Variants in HEATR5A observed in about 807,000 individuals in gnomAD.
HEATR5A encodes HEAT repeat containing 5A.
A neutral mutation model predicts 218.8 loss-of-function variants in HEATR5A; 178 were observed. The ratio of observed to expected loss-of-function variants is 0.81; its 90% CI spans 0.72 to 0.92. The LOEUF (loss-of-function observed/expected upper bound fraction) is 0.92, where lower values mean the gene tolerates loss of function less well. Among genes scored for constraint, HEATR5A ranks in the 40% least tolerant of loss-of-function variants. The probability of loss-of-function intolerance (pLI) is 0.00; values close to 1 mark genes in which losing one functional copy is unlikely to be tolerated. For missense variants in HEATR5A, 2,420 were observed against 2,418.9 expected (o/e 1.00, Z -0.01); for synonymous variants, 864 against 871.6 (o/e 0.99, Z 0.15).
chr14:31,317,964 G>A (rs1899965122), intron 26 of HEATR5A, among the ~76,000 whole-genome samples: 1 of 151,938 alleles, frequency 6.6e-6, no homozygotes, highest in Non-Finnish European at 1.5e-5. Context: ...CTATGCACAA[G>A]GTCACTCATA....
At position 31,315,903 on chromosome 14, in the gene HEATR5A, T is replaced by C; in HGVS notation, c.4085A>G (p.Asp1362Gly). The C allele has an allele frequency of 6.3e-7, 1 of 1,580,204 alleles. No individual in the cohort carries two copies. The highest frequency in any genetic ancestry group is 8.6e-7 in the Non-Finnish European group (1 of 1,162,216). The change falls in exon 27 of 36, where the codon GAT becomes GGT. Residue 1362 changes from aspartate to glycine, a missense_variant. Asp to Gly is a moderately conservative substitution (Grantham distance 94). Coordinates refer to ENST00000543095, the MANE Select transcript of HEATR5A (RefSeq NM_015473.4). ...AAGCAACTGATGAACTCTTCGGAGA[T>C]CATTAAGGTCACTTACAACTCCACT... ...IASGVVSDLN[D>G]LRRVHQLLVS...
chr14:31,403,861 C>G (rs2030964962), intron 1 of HEATR5A, among the ~76,000 whole-genome samples: 1 of 152,186 alleles, frequency 6.6e-6, no homozygotes, highest in South Asian at 2.1e-4. Flanking sequence ...TATATACATA[C>G]ATATTCACAT....
intron 13 of HEATR5A, among the ~76,000 whole-genome samples, chr14:31,370,565 G>A (rs35335466): frequency 0.28 from 42,138 of 152,022 alleles, 7,007 homozygotes; most frequent in Non-Finnish European, 0.38. Context: ...ATAAAAATAC[G>A]TTTTAGCATA....
chr14:31,316,730 T>A (rs953996925), intron 26 of HEATR5A, among the ~76,000 whole-genome samples: 1 of 152,246 alleles, frequency 6.6e-6, no homozygotes, highest in Non-Finnish European at 1.5e-5. Context: ...TCTTGCTCTG[T>A]AGCCCAGGCT....
chr14:31,418,651 AG>A (rs1437871766), intron 1 of HEATR5A, among the ~76,000 whole-genome samples: 1 of 152,254 alleles, frequency 6.6e-6, no homozygotes, highest in Non-Finnish European at 1.5e-5. Flanking sequence ...CTGAAAAAGC[AG>A]AAGTGTTATT....
chr14:31,399,657 C>G (rs1470616563), intron 3 of HEATR5A, among the ~76,000 whole-genome samples: 1 of 152,054 alleles, frequency 6.6e-6, no homozygotes, highest in Non-Finnish European at 1.5e-5. Flanking sequence ...TGGTGAAACC[C>G]CGTATCTACT....
chr14:31,353,682 G>A (rs1362162216), intron 16 of HEATR5A, among the ~76,000 whole-genome samples: 1 of 152,080 alleles, frequency 6.6e-6, no homozygotes, highest in African/African-American at 2.4e-5. Context: ...GCTGCAGTGA[G>A]GCAAAATAGC....
chr14:31,419,348 T>A (rs1439734562), intron 1 of HEATR5A, among the ~76,000 whole-genome samples: 2 of 152,224 alleles, frequency 1.3e-5, no homozygotes, highest in Admixed American at 1.3e-4. Flanking sequence ...TATCTAAAAT[T>A]ACTTTCTCAA....
intron 25 of HEATR5A, among the ~76,000 whole-genome samples, chr14:31,319,395 C>T (rs1470448885): frequency 2.0e-5 from 3 of 152,030 alleles, no homozygotes; most frequent in Non-Finnish European, 4.4e-5. Context: ...TCAGGTGATC[C>T]GCCTACCTCG....
intron 11 of HEATR5A, among the ~76,000 whole-genome samples, chr14:31,379,702 C>T (rs1160004366): frequency 1.3e-5 from 2 of 152,088 alleles, no homozygotes; most frequent in African/African-American, 2.4e-5. Context: ...GCTTATAATG[C>T]CAACACTTTG....
intron 13 of HEATR5A, among the ~76,000 whole-genome samples, chr14:31,368,006 T>G (rs1295562960): frequency 6.6e-6 from 1 of 152,136 alleles, no homozygotes; most frequent in Non-Finnish European, 1.5e-5. Context: ...TGAATCCTGC[T>G]ATGGGGTCTG....
chr14:31,345,884 T>A (rs115260065), intron 19 of HEATR5A, among the ~76,000 whole-genome samples: 1 of 150,578 alleles, frequency 6.6e-6, no homozygotes, highest in African/African-American at 2.4e-5. Context: ...TATGTGCATT[T>A]ATGGCAGGTG....
At chr14:31,329,392 G>C (rs1000281469) in intron 22 of HEATR5A, among the ~76,000 whole-genome samples, 4 of 152,148 alleles carry the variant, frequency 2.6e-5, no homozygotes, top group South Asian at 2.1e-4. Context: ...AGATACAATG[G>C]GGGTACAGGC....
At chr14:31,299,281 G>A (rs1899287949) in intron 33 of HEATR5A, among the ~76,000 whole-genome samples, 1 of 152,154 alleles carries the variant, frequency 6.6e-6, no homozygotes, top group Non-Finnish European at 1.5e-5. Context: ...GTTGAAAACT[G>A]CTTAACATTT....
At chr14:31,403,578 A>G (rs935631123) in intron 1 of HEATR5A, among the ~76,000 whole-genome samples, 1 of 152,232 alleles carries the variant, frequency 6.6e-6, no homozygotes, top group African/African-American at 2.4e-5. Context: ...GGCATTGCTT[A>G]TAGTTTCAGG....
chr14:31,415,874 T>A (rs890658435), intron 1 of HEATR5A, among the ~76,000 whole-genome samples: 1 of 152,020 alleles, frequency 6.6e-6, no homozygotes, highest in Non-Finnish European at 1.5e-5. Flanking sequence ...ACAGGACAAC[T>A]AAGTTACTGA....
intron 14 of HEATR5A, among the ~76,000 whole-genome samples, chr14:31,362,596 C>T (rs1901655712): frequency 2.1e-5 from 2 of 94,634 alleles, no homozygotes; most frequent in South Asian, 8.6e-4. Context: ...GACCTCATCT[C>T]TACAAATGAC....
Position 31,388,830 on chromosome 14 carries a change from A to C in HEATR5A, c.933+15T>G. On this transcript the variant is annotated intron_variant, in intron 7 of 35. Coordinates refer to ENST00000543095, the MANE Select transcript of HEATR5A (RefSeq NM_015473.4). Reference sequence around the variant, plus strand: ...CAGTAAGAGTTAGACTGAGATACTGATTTGTGATTCCAACCTGAGTAACTC... The same window carrying C: ...CAGTAAGAGTTAGACTGAGATACTGCTTTGTGATTCCAACCTGAGTAACTC... 1.9e-6 allele frequency: 3 copies of C among 1,610,126 alleles called. No individual in the cohort carries two copies. Among genetic ancestry groups the C allele is most frequent in the Non-Finnish European group, 2.5e-6 (3 of 1,176,520 alleles).
rs1251161905 is a variant in HEATR5A at position 31,337,569 on chromosome 14, C to A, written c.3274G>T (p.Ala1092Ser). Residue 1092 changes from alanine to serine, a missense_variant, in exon 22 of 36, where the codon GCT becomes TCT. Ala to Ser is a moderately conservative substitution (Grantham distance 99). Transcript: ENST00000543095. ...PYLLLRRAVLACLRQLVQREA... is the reference protein window; with the variant it reads ...PYLLLRRAVLSCLRQLVQREA... ...CTTTGTACAAGCTGACGTAAGCAAG[C>A]CAGTACTGCTCTTCTCAGTAACAAG... is the stretch of plus-strand genomic sequence containing the variant. 1 of 1,597,488 alleles carries A rather than the reference C, an allele frequency of 6.3e-7. No individual in the cohort carries two copies. The highest frequency in any genetic ancestry group is 8.5e-7 in the Non-Finnish European group (1 of 1,171,678).
Sources: allele counts gnomAD v4.1 joint callset (sites outside exome capture counted in the v4.1 genomes callset), GRCh38; gene constraint gnomAD v4.1.1; transcripts MANE v1.5; gene names NCBI Gene and HGNC (gene_info 2026-07-23, HGNC 2026-07-21).